Variants in MTA3 observed in about 807,000 individuals in gnomAD.
MTA3 encodes metastasis-associated protein MTA3.
Under a neutral mutation model 83.5 loss-of-function variants are expected in MTA3, and 34 were observed. That is an observed-to-expected ratio of 0.41 (90% CI 0.31 to 0.54). The LOEUF (loss-of-function observed/expected upper bound fraction) is 0.54. MTA3 is among the 20% of genes least tolerant of loss of function. The pLI, the probability that MTA3 is intolerant of heterozygous loss-of-function variation, is 0.33. For synonymous variants in MTA3, 303 were observed against 252.7 expected (o/e 1.20, Z -1.89); for missense variants, 761 against 726.4 (o/e 1.05, Z -0.55).
intron 4 of MTA3, among the ~76,000 whole-genome samples, chr2:42,625,204 G>A (rs1401534718): frequency 2.6e-5 from 4 of 151,398 alleles, no homozygotes; most frequent in Non-Finnish European, 4.4e-5. Context: ...TCTAATTTTT[G>A]TATTTTTAGT....
chr2:42,749,234 T>C (rs1669679229), intron 16 of MTA3, among the ~76,000 whole-genome samples: 1 of 152,214 alleles, frequency 6.6e-6, no homozygotes, highest in Non-Finnish European at 1.5e-5. Context: ...ATTGGCTGCC[T>C]CAAGCTCTGA....
chr2:42,650,581 A>T (rs1312237846), intron 6 of MTA3, among the ~76,000 whole-genome samples: 1 of 152,076 alleles, frequency 6.6e-6, no homozygotes, highest in Non-Finnish European at 1.5e-5. Flanking sequence ...CTGGGACTAC[A>T]GGTGCCCACC....
intron 8 of MTA3, chr2:42,680,056 GA>G (rs1282500070): frequency 6.6e-6 from 1 of 152,404 alleles, no homozygotes; most frequent in African/African-American, 2.4e-5. Context: ...CCACTGAGAA[GA>G]ATCCTATCTG....
At chr2:42,714,943 C>A (rs1313009283) in intron 14 of MTA3, among the ~76,000 whole-genome samples, 3 of 152,214 alleles carry the variant, frequency 2.0e-5, no homozygotes, top group Non-Finnish European at 4.4e-5. Flanking sequence ...CTTGCTACCA[C>A]TAGTACTGGT....
At chr2:42,518,014 CT>C (rs1675231859) in intron 2 of MTA3, among the ~76,000 whole-genome samples, 1 of 151,902 alleles carries the variant, frequency 6.6e-6, no homozygotes, top group Non-Finnish European at 1.5e-5. Context: ...GGTGAAACCC[CT>C]CCTCTACTAA....
intron 2 of MTA3, among the ~76,000 whole-genome samples, chr2:42,510,105 C>T (rs886514570): frequency 2.0e-5 from 3 of 152,182 alleles, no homozygotes; most frequent in African/African-American, 7.2e-5. Context: ...GTGGATGGAT[C>T]ACTTGAGGTC....
chr2:42,677,736 C>G (rs1691513531), intron 8 of MTA3, among the ~76,000 whole-genome samples: 2 of 152,108 alleles, frequency 1.3e-5, no homozygotes, highest in South Asian at 4.1e-4. Flanking sequence ...TCCTTGCCTT[C>G]CACCATGATT....
rs1558429381 is a variant in MTA3 at position 42,549,636 on chromosome 2, T to TATATAATATATAATATATTATATACAC, written c.-140-20775_-140-20774insCATATAATATATAATATATTATATACA. Among the ~76,000 whole-genome samples the TATATAATATATAATATATTATATACAC allele has an allele frequency of 4.1e-3, 503 of 122,822 alleles. 19 individuals are homozygous for TATATAATATATAATATATTATATACAC. Among genetic ancestry groups the TATATAATATATAATATATTATATACAC allele is most frequent in the African/African-American group, 0.016 (487 of 29,582 alleles). The allele number at this position is 122,822 out of a possible 152,430, so 80.6% of individuals were successfully genotyped here. A position where few individuals can be genotyped will look rare whatever the true frequency, so the allele number is the denominator to read the frequency against. On this transcript the variant is annotated intron_variant, in intron 2 of 17. Coordinates refer to the MTA3 transcript ENST00000405592. The stretch of plus-strand genomic sequence containing the variant: ...ATATAATATATTATATACATATACA[T>TATATAATATATAATATATTATATACAC]ATATAATATATAATATATTATATAC...
chr2:42,639,456 C>T (rs1418974049), intron 4 of MTA3, among the ~76,000 whole-genome samples: 2 of 151,980 alleles, frequency 1.3e-5, no homozygotes, highest in Admixed American at 1.3e-4. Context: ...TTTGAAAGTG[C>T]TCGTAATAAA....
At chr2:42,652,054 G>A (rs536049755) in intron 6 of MTA3, among the ~76,000 whole-genome samples, 1 of 152,134 alleles carries the variant, frequency 6.6e-6, no homozygotes, top group South Asian at 2.1e-4. Context: ...CCAAGATCAC[G>A]GCATTGCACT....
chr2:42,660,649 C>T lies in MTA3; in HGVS notation c.702+787C>T, dbSNP rs144071230. On this transcript the variant is annotated intron_variant, in intron 8 of 16. Coordinates refer to ENST00000405094, the MANE Select transcript of MTA3 (RefSeq NM_001330442.2). ...CTTGTGATAGGCACGGTAGGATGCTCATTTTACACACGAGAAAACTGAGTT... is the reference window on the plus strand; with the variant it reads ...CTTGTGATAGGCACGGTAGGATGCTTATTTTACACACGAGAAAACTGAGTT... Among the ~76,000 whole-genome samples, 401 of 152,206 alleles carry T rather than the reference C, an allele frequency of 2.6e-3. 8 individuals carry two copies. Among genetic ancestry groups the T allele is most frequent in the Admixed American group, 0.021 (326 of 15,284 alleles).
chr2:42,753,623 G>T lies in MTA3; in HGVS notation c.*224G>T, dbSNP rs1670045252. 1.5e-6 allele frequency: 2 copies of T among 1,361,034 alleles called. No individual in the cohort carries two copies. The highest frequency in any genetic ancestry group is 1.9e-6 in the Non-Finnish European group (2 of 1,055,432). The allele number at this position is 1,361,034 out of a possible 1,614,324, so 84.3% of individuals were successfully genotyped here. A position where few individuals can be genotyped will look rare whatever the true frequency, so the allele number is the denominator to read the frequency against. On this transcript the variant is annotated 3_prime_UTR_variant, in exon 17 of 17. Transcript: ENST00000405094. ...AGCAGCACCTCGCTTTCTTGTCAGA[G>T]ACCTCGCTGTTACGGAGCGAGACCT...
At chr2:42,748,597 T>G (rs1669627132) in intron 16 of MTA3, among the ~76,000 whole-genome samples, 1 of 152,200 alleles carries the variant, frequency 6.6e-6, no homozygotes, top group African/African-American at 2.4e-5. Context: ...TATATTCGTC[T>G]TTTTCTATAG....
At chr2:42,672,835 C>T (rs980864984) in intron 8 of MTA3, among the ~76,000 whole-genome samples, 20 of 129,728 alleles carry the variant, frequency 1.5e-4, no homozygotes, top group Admixed American at 9.0e-4. Context: ...AACTTTTTTA[C>T]GTATAAAAAG....
intron 3 of MTA3, among the ~76,000 whole-genome samples, chr2:42,599,030 T>C (rs1682206343): frequency 6.6e-6 from 1 of 152,128 alleles, no homozygotes; most frequent in Non-Finnish European, 1.5e-5. Flanking sequence ...ATGTGGAGAA[T>C]GGTTGTGGCT....
intron 2 of MTA3, among the ~76,000 whole-genome samples, chr2:42,561,917 T>G (rs939454613): frequency 6.6e-6 from 1 of 152,164 alleles, no homozygotes; most frequent in African/African-American, 2.4e-5. Context: ...CTGTAACAAA[T>G]TACAACAAAT....
chr2:42,687,911 GT>G (rs1692535009), intron 9 of MTA3, among the ~76,000 whole-genome samples: 1 of 152,184 alleles, frequency 6.6e-6, no homozygotes, highest in African/African-American at 2.4e-5. Flanking sequence ...GTGTTTGTGT[GT>G]TTAGCACCAT....
intron 2 of MTA3, among the ~76,000 whole-genome samples, chr2:42,552,927 G>A (rs1486222275): frequency 2.6e-5 from 4 of 151,204 alleles, no homozygotes; most frequent in Non-Finnish European, 5.9e-5. Context: ...TCCAGCCTGG[G>A]CGACACCGCA....
At chr2:42,569,754 C>T (rs1311503154) in intron 1 of MTA3, 2 of 152,112 alleles carry the variant, frequency 1.3e-5, no homozygotes, top group Non-Finnish European at 2.9e-5. Context: ...AGTTGAAAGC[C>T]TGCAGCAATT....
Sources: allele counts gnomAD v4.1 joint callset (sites outside exome capture counted in the v4.1 genomes callset), GRCh38; gene constraint gnomAD v4.1.1; transcripts MANE v1.5; gene names NCBI Gene and HGNC (gene_info 2026-07-23, HGNC 2026-07-21).